The following UPRT variants were observed in gnomAD, a reference collection of about 807,000 sequenced individuals.
UPRT encodes uracil phosphoribosyltransferase homolog, also known as RP11-311P8.3.
A neutral mutation model predicts 22.6 loss-of-function variants in UPRT; 5 were observed. The ratio of observed to expected loss-of-function variants is 0.22; its 90% CI spans 0.12 to 0.47. The LOEUF (loss-of-function observed/expected upper bound fraction) is 0.47. UPRT is among the 20% of genes least tolerant of loss of function. UPRT has a pLI of 0.99. For missense variants in UPRT, 181 were observed against 239.9 expected, an observed-to-expected ratio of 0.75 and a Z score of 1.62; for synonymous variants, 77 against 87.7, an observed-to-expected ratio of 0.88 and a Z score of 0.68.
chrX:75,302,769 A>G (rs1256944839), intron 6 of UPRT, among the ~76,000 whole-genome samples: 3 of 110,733 alleles, frequency 2.7e-5, no homozygotes, highest in Admixed American at 1.9e-4. Flanking sequence ...CCCTCCCCAT[A>G]AGCTAGAGTC....
At chrX:75,264,101 G>A (rs925671708) in intron 4 of UPRT, among the ~76,000 whole-genome samples, 6 of 111,836 alleles carry the variant, frequency 5.4e-5, no homozygotes, top group African/African-American at 2.0e-4. Flanking sequence ...TATAAATTCT[G>A]TTCTTTTACA....
chrX:75,248,777 A>T (rs1473424797), intron 4 of UPRT, among the ~76,000 whole-genome samples: 1 of 111,946 alleles, frequency 8.9e-6, no homozygotes, highest in East Asian at 2.8e-4. Context: ...CAAAGTTGAA[A>T]TGAATGAAAA....
chrX:75,297,374 A>C, intron 3 of UPRT, 117 bp from the exon 4 acceptor site: 1 of 611,590 alleles, frequency 1.6e-6, no homozygotes. Flanking sequence ...GGCATTATAC[A>C]GTGTGTCTGA....
chrX:75,206,911 G>A (rs768777062), intron 4 of UPRT, among the ~76,000 whole-genome samples: 3 of 112,319 alleles, frequency 2.7e-5, no homozygotes, highest in South Asian at 3.7e-4. Context: ...TGATCTGCCC[G>A]CCTTGGCCTC....
Position 75,303,467 on chromosome X carries a change from G to C in UPRT, c.886G>C (p.Val296Leu). ...ITILTTEVHP[V>L]APTHFGQKYF... ...AATTTTAACTACTGAAGTTCATCCT[G>C]TTGCACCTACACATTTTGGACAGAA... Residue 296 changes from valine to leucine, a missense_variant, in exon 7 of 7, where the codon GTT becomes CTT. This residue lies in a region of UPRT where 70 missense variants were observed against 137.0 expected (regional missense o/e 0.51). Coordinates refer to ENST00000373383, the MANE Select transcript of UPRT (RefSeq NM_145052.4). 8.3e-7 allele frequency: 1 copy of C among 1,206,555 alleles called. No homozygotes were observed. Among genetic ancestry groups the C allele is most frequent in the Non-Finnish European group, 1.1e-6 (1 of 893,416 alleles).
At chrX:75,285,025 CCT>C (rs1231197120) in intron 1 of UPRT, among the ~76,000 whole-genome samples, 1 of 110,464 alleles carries the variant, frequency 9.1e-6, no homozygotes, top group Non-Finnish European at 1.9e-5. Context: ...GAGTTGTGTA[CCT>C]AGGAGGATTA....
In UPRT at chrX:75,184,852, A is replaced by G. The variant is rs1217712114; in HGVS notation, c.-447+16973A>G. The stretch of plus-strand genomic sequence containing the variant: ...TTGTTGGTGTGTAAGAATGCTTGTG[A>G]TTTTTGTACATTGATTTTGTATCCC... On this transcript the variant is annotated intron_variant, in intron 4 of 13. Transcript: ENST00000652605. Among the ~76,000 whole-genome samples the G allele has an allele frequency of 3.6e-5, 4 of 111,375 alleles. No individual in the cohort carries two copies. In the East Asian group the frequency reaches 8.5e-4, roughly 24 times the overall value.
At chrX:75,250,018 C>A (rs1268849531) in intron 4 of UPRT, among the ~76,000 whole-genome samples, 1 of 111,745 alleles carries the variant, frequency 8.9e-6, no homozygotes, top group Non-Finnish European at 1.9e-5. Context: ...GCAAAGAGAA[C>A]AAAGACACAA....
intron 2 of UPRT, among the ~76,000 whole-genome samples, chrX:75,293,956 A>G (rs1268591464): frequency 9.0e-6 from 1 of 111,202 alleles, no homozygotes; most frequent in African/African-American, 3.3e-5. Flanking sequence ...TCTTTCCTGT[A>G]CTAGCCTTCA....
chrX:75,272,806 C>T (rs1287409643), upstream of UPRT, among the ~76,000 whole-genome samples: 1 of 111,256 alleles, frequency 9.0e-6, no homozygotes, highest in Non-Finnish European at 1.9e-5. Flanking sequence ...CCATTCAACT[C>T]AGCAATCCCA....
chrX:75,233,880 A>T (rs1365943346), intron 4 of UPRT, among the ~76,000 whole-genome samples: 1 of 110,949 alleles, frequency 9.0e-6, no homozygotes, highest in Non-Finnish European at 1.9e-5. Context: ...GCATCAACTA[A>T]TGAGCAAAAT....
intron 4 of UPRT, among the ~76,000 whole-genome samples, chrX:75,263,913 TTG>T (rs1330055145): frequency 9.1e-6 from 1 of 110,067 alleles, no homozygotes; most frequent in Non-Finnish European, 1.9e-5. Context: ...TTCTGGTATG[TTG>T]TGTCTTTGTT....
intron 4 of UPRT, among the ~76,000 whole-genome samples, chrX:75,249,330 A>C (rs1022389967): frequency 2.8e-4 from 31 of 111,403 alleles, no homozygotes; most frequent in African/African-American, 1.0e-3. Context: ...CGTGCAGAGA[A>C]ACACATAGGC....
At chrX:75,274,723 C>T in intron 1 of UPRT, 83 bp downstream of exon 1, 1 of 1,069,105 alleles carries the variant, frequency 9.4e-7, no homozygotes, top group East Asian at 3.3e-5. Context: ...GGCTAAGAGA[C>T]AGTGTTCTTG....
intron 4 of UPRT, among the ~76,000 whole-genome samples, chrX:75,260,818 T>C (rs527517805): frequency 1.5e-4 from 16 of 109,696 alleles, no homozygotes; most frequent in Admixed American, 1.4e-3. Flanking sequence ...CAGCACCACA[T>C]CACATGTATT....
chrX:75,264,430 A>G (rs1032769551), intron 4 of UPRT, among the ~76,000 whole-genome samples: 2 of 111,881 alleles, frequency 1.8e-5, no homozygotes, highest in African/African-American at 6.5e-5. Flanking sequence ...ATATATAGTT[A>G]GGATAGTTAG....
At chrX:75,273,814 C>T (rs1332480172), upstream of UPRT, among the ~76,000 whole-genome samples, 1 of 111,776 alleles carries the variant, frequency 8.9e-6, no homozygotes, top group Non-Finnish European at 1.9e-5. Flanking sequence ...ATGGGCCTTA[C>T]GTGTGTAACT....
chrX:75,162,601 A>G (rs959228131), intron 2 of UPRT, among the ~76,000 whole-genome samples: 9 of 111,642 alleles, frequency 8.1e-5, no homozygotes, highest in Non-Finnish European at 1.1e-4. Context: ...TGTGACATCA[A>G]TTTTTAATAG....
At chrX:75,177,012 G>A (rs1049029773) in intron 4 of UPRT, among the ~76,000 whole-genome samples, 1 of 111,322 alleles carries the variant, frequency 9.0e-6, no homozygotes, top group Non-Finnish European at 1.9e-5. Context: ...CATTTCAAGG[G>A]TGAGCCTGTT....
Sources: gnomAD v4.1 joint callset for allele counts (sites outside exome capture counted in the v4.1 genomes callset) on GRCh38, gnomAD v4.1.1 for gene constraint, gnomAD v4.1.1 regional missense constraint, MANE v1.5 for transcripts, NCBI Gene and HGNC (gene_info 2026-07-23, HGNC 2026-07-21) for gene names.